CMIP: variants seen among roughly 807,000 people sequenced by gnomAD.
CMIP encodes C-Maf-inducing protein.
Under a neutral mutation model 97.3 loss-of-function variants are expected in CMIP, and 13 were observed. The observed-to-expected ratio is 0.13, with a 90% CI of 0.09 to 0.21. The LOEUF is 0.21. Ranked by LOEUF, CMIP falls within the 10% of genes least tolerant of loss-of-function variation. The pLI, the probability that CMIP is intolerant of heterozygous loss-of-function variation, is 1.00. For synonymous variants in CMIP, 538 were observed against 436.3 expected, an observed-to-expected ratio of 1.23 and a Z score of -2.91; for missense variants, 847 against 1,024.9, an observed-to-expected ratio of 0.83 and a Z score of 2.37.
chr16:81,557,277 T>C (rs539175456), intron 1 of CMIP, among the ~76,000 whole-genome samples: 5 of 152,346 alleles, frequency 3.3e-5, no homozygotes, highest in Admixed American at 3.3e-4. Flanking sequence ...CAAATGCATG[T>C]TGGTTGAATT....
chr16:81,513,305 T>C (rs1328921184), intron 1 of CMIP, among the ~76,000 whole-genome samples: 1 of 152,234 alleles, frequency 6.6e-6, no homozygotes, highest in Non-Finnish European at 1.5e-5. Flanking sequence ...CGCCTTTCTC[T>C]TGGGCCTGGT....
chr16:81,651,274 G>A (rs571189683), intron 3 of CMIP: 35 of 197,326 alleles, frequency 1.8e-4, no homozygotes, highest in East Asian at 7.5e-4. Context: ...GAGCCCGGGC[G>A]GGGGTGGAGG....
chr16:81,547,933 C>A (rs186832111), intron 1 of CMIP, among the ~76,000 whole-genome samples: 120 of 152,282 alleles, frequency 7.9e-4, no homozygotes, highest in African/African-American at 2.8e-3. Context: ...CTTCCTGTCA[C>A]CCGAGCAACT....
chr16:81,470,943 G>A (rs1052078575), intron 1 of CMIP, among the ~76,000 whole-genome samples: 1 of 152,202 alleles, frequency 6.6e-6, no homozygotes, highest in Non-Finnish European at 1.5e-5. Flanking sequence ...CATACACATA[G>A]GCACACACAT....
intron 7 of CMIP, among the ~76,000 whole-genome samples, chr16:81,667,646 C>T (rs2092618199): frequency 6.6e-6 from 1 of 151,956 alleles, no homozygotes; most frequent in South Asian, 2.1e-4. Context: ...TCTGTGGACC[C>T]TCATTCCATA....
chr16:81,477,999 G>A (rs779536292), intron 1 of CMIP, among the ~76,000 whole-genome samples: 1 of 152,232 alleles, frequency 6.6e-6, no homozygotes, highest in African/African-American at 2.4e-5. Flanking sequence ...TCTGGGAAAT[G>A]TAAGTGGGAG....
At chr16:81,521,815 T>C (rs755416810) in intron 1 of CMIP, among the ~76,000 whole-genome samples, 2 of 152,126 alleles carry the variant, frequency 1.3e-5, no homozygotes, top group Non-Finnish European at 2.9e-5. Flanking sequence ...TTTTCTACAA[T>C]TGGGAGTTGG....
intron 1 of CMIP, among the ~76,000 whole-genome samples, chr16:81,468,524 T>C (rs1216339024): frequency 6.6e-6 from 1 of 152,264 alleles, no homozygotes; most frequent in African/African-American, 2.4e-5. Context: ...TGCCGTGCCC[T>C]CTGTGCTTTC....
chr16:81,592,091 C>T (rs376968606), intron 1 of CMIP, among the ~76,000 whole-genome samples: 7 of 151,850 alleles, frequency 4.6e-5, no homozygotes, highest in African/African-American at 1.5e-4. Flanking sequence ...CCCAAAGTGC[C>T]GGGATTACAG....
intron 6 of CMIP, among the ~76,000 whole-genome samples, chr16:81,662,226 A>G (rs756086196): frequency 1.3e-5 from 2 of 152,218 alleles, no homozygotes; most frequent in South Asian, 2.1e-4. Flanking sequence ...TTGCCTCTCA[A>G]GCTTAGGATT....
chr16:81,557,104 C>G (rs1334147343), intron 1 of CMIP, among the ~76,000 whole-genome samples: 1 of 152,178 alleles, frequency 6.6e-6, no homozygotes, highest in Non-Finnish European at 1.5e-5. Flanking sequence ...GTGTCAACAC[C>G]AAGGGAAGCT....
At chr16:81,645,281 C>T in intron 3 of CMIP, 1 of 936,478 alleles carries the variant, frequency 1.1e-6, no homozygotes, top group Non-Finnish European at 1.4e-6. Flanking sequence ...GGTCCTCCTC[C>T]ACTCTGCAGT....
intron 1 of CMIP, among the ~76,000 whole-genome samples, chr16:81,594,317 C>T (rs901215972): frequency 5.9e-5 from 9 of 151,496 alleles, no homozygotes; most frequent in African/African-American, 2.2e-4. Flanking sequence ...CGGAGTTTCG[C>T]CATGTTGTCC....
At chr16:81,552,025 G>A (rs774401353) in intron 1 of CMIP, among the ~76,000 whole-genome samples, 2 of 152,216 alleles carry the variant, frequency 1.3e-5, no homozygotes, top group African/African-American at 2.4e-5. Flanking sequence ...CAGCCTCGGC[G>A]GCAGGGGCAG....
chr16:81,664,678 C>T, intron 7 of CMIP: 1 of 560,404 alleles, frequency 1.8e-6, no homozygotes, highest in Non-Finnish European at 3.2e-6. Context: ...CGACTTTGCA[C>T]TCCTTTAGTG....
At chr16:81,532,541 C>G (rs895889536) in intron 1 of CMIP, among the ~76,000 whole-genome samples, 1 of 152,156 alleles carries the variant, frequency 6.6e-6, no homozygotes, top group South Asian at 2.1e-4. Context: ...CTGTTGCCCT[C>G]GCTCAGTCTC....
chr16:81,516,396 C>A (rs903698513), intron 1 of CMIP, among the ~76,000 whole-genome samples: 1 of 152,222 alleles, frequency 6.6e-6, no homozygotes, highest in African/African-American at 2.4e-5. Flanking sequence ...TATTGAGCTG[C>A]TTTCTTTTCC....
At chr16:81,589,697 A>G (rs906608327) in intron 1 of CMIP, among the ~76,000 whole-genome samples, 2 of 152,140 alleles carry the variant, frequency 1.3e-5, no homozygotes, top group African/African-American at 4.8e-5. Context: ...GCAATGTAGT[A>G]TTTTCGAAGA....
Position 81,516,186 on chromosome 16 carries a change from C to T in CMIP, c.300+70645C>T, listed in dbSNP as rs1402233793. On this transcript the variant is annotated intron_variant, in intron 1 of 20. Transcript: ENST00000537098. Reference sequence around the variant, plus strand: ...CTTCCATCTCCTGGTTGGACTCTGACTGATCTAGCAATGAAGGTGACATGG... The same window carrying T: ...CTTCCATCTCCTGGTTGGACTCTGATTGATCTAGCAATGAAGGTGACATGG... 2.0e-5 allele frequency among the ~76,000 whole-genome samples: 3 copies of T among 152,300 alleles called. No homozygotes were observed. The East Asian group carries it at 5.8e-4, about 29-fold the overall frequency.
Sources: allele counts gnomAD v4.1 joint callset (sites outside exome capture counted in the v4.1 genomes callset), GRCh38; gene constraint gnomAD v4.1.1; transcripts MANE v1.5; gene names NCBI Gene and HGNC (gene_info 2026-07-23, HGNC 2026-07-21).